DIAPH3: variants seen among roughly 807,000 people sequenced by gnomAD.
DIAPH3 encodes diaphanous related formin 3, also known as protein diaphanous homolog 3.
A neutral mutation model predicts 144.3 loss-of-function variants in DIAPH3; 117 were observed. The observed-to-expected ratio is 0.81, with a 90% CI of 0.70 to 0.95. The LOEUF (loss-of-function observed/expected upper bound fraction) is 0.95, where lower values mean the gene tolerates loss of function less well. Ranked by LOEUF, DIAPH3 falls within the 40% of genes least tolerant of loss-of-function variation. The pLI, the probability that DIAPH3 is intolerant of heterozygous loss-of-function variation, is 0.00. For missense variants in DIAPH3, 1,421 were observed against 1,412.7 expected (o/e 1.01, Z -0.09); for synonymous variants, 519 against 488.9 (o/e 1.06, Z -0.81).
intron 13 of DIAPH3, 41 bp downstream of exon 13, chr13:59,983,726 TAA>T (rs771896990): frequency 1.5e-6 from 2 of 1,329,296 alleles, no homozygotes; most frequent in South Asian, 2.4e-5. Flanking sequence ...ATTCATAGAA[TAA>T]GAGACAATAA....
chr13:59,961,336 G>A (rs549804831), intron 17 of DIAPH3, among the ~76,000 whole-genome samples: 9 of 152,258 alleles, frequency 5.9e-5, no homozygotes, highest in Non-Finnish European at 1.2e-4. Flanking sequence ...TGGGTATTAT[G>A]TCCCCCATTT....
intron 1 of DIAPH3, among the ~76,000 whole-genome samples, chr13:60,151,662 GGCACCACAC>G (rs1951792547): frequency 6.6e-6 from 1 of 152,060 alleles, no homozygotes; most frequent in Admixed American, 6.6e-5. Context: ...GTCTATACCA[GGCACCACAC>G]AGAAAGTGAC....
intron 24 of DIAPH3, among the ~76,000 whole-genome samples, chr13:59,818,239 G>GA (rs574184172): frequency 2.0e-5 from 3 of 151,438 alleles, no homozygotes; most frequent in African/African-American, 4.8e-5. Context: ...TCCAGTCTCT[G>GA]AAAAAAAATC....
chr13:59,750,994 C>A (rs2036980268), intron 27 of DIAPH3, among the ~76,000 whole-genome samples: 1 of 152,232 alleles, frequency 6.6e-6, no homozygotes, highest in African/African-American at 2.4e-5. Flanking sequence ...GCACTGTCGG[C>A]TGCTCAAATG....
chr13:59,844,004 G>A (rs1366357316), intron 22 of DIAPH3, among the ~76,000 whole-genome samples: 3 of 151,848 alleles, frequency 2.0e-5, no homozygotes, highest in African/African-American at 7.3e-5. Flanking sequence ...TGCATGGCAG[G>A]CTTAATACCT....
At chr13:60,091,599 T>TA (rs1003605858) in intron 4 of DIAPH3, among the ~76,000 whole-genome samples, 5 of 151,962 alleles carry the variant, frequency 3.3e-5, no homozygotes, top group Admixed American at 6.6e-5. Flanking sequence ...TATAGACACT[T>TA]AAAAAACAAC....
At chr13:59,966,089 A>C (rs2050035424) in intron 17 of DIAPH3, among the ~76,000 whole-genome samples, 1 of 152,178 alleles carries the variant, frequency 6.6e-6, no homozygotes, top group African/African-American at 2.4e-5. Context: ...CAGCAAAATA[A>C]AGTGTAAAAG....
chr13:59,967,302 T>C (rs551231704), intron 17 of DIAPH3, among the ~76,000 whole-genome samples: 30 of 152,124 alleles, frequency 2.0e-4, no homozygotes, highest in African/African-American at 5.8e-4. Context: ...CTCAAACTCC[T>C]GGCCTCAAGT....
intron 1 of DIAPH3, among the ~76,000 whole-genome samples, chr13:60,152,559 T>TA (rs1352503854): frequency 8.5e-4 from 119 of 139,498 alleles, no homozygotes; most frequent in African/African-American, 2.5e-3. Context: ...AAAATTGAAT[T>TA]AAAAAAAAAA....
At chr13:59,950,615 TC>T (rs2049045271) in intron 17 of DIAPH3, among the ~76,000 whole-genome samples, 1 of 152,078 alleles carries the variant, frequency 6.6e-6, no homozygotes, top group African/African-American at 2.4e-5. Flanking sequence ...AGAAATCATT[TC>T]CCAAAGGAGA....
intron 21 of DIAPH3, 99 bp downstream of exon 21, chr13:59,879,130 A>G: frequency 6.6e-7 from 1 of 1,522,978 alleles, no homozygotes; most frequent in Non-Finnish European, 8.9e-7. Flanking sequence ...CTTGATAATG[A>G]GCACATCAAA....
intron 20 of DIAPH3, among the ~76,000 whole-genome samples, chr13:59,895,319 CTG>C (rs2046021624): frequency 6.7e-6 from 1 of 150,246 alleles, no homozygotes; most frequent in African/African-American, 2.4e-5. Context: ...TTCTAAATAA[CTG>C]TAATATCTAG....
chr13:60,145,751 CT>C (rs796713740), intron 1 of DIAPH3, among the ~76,000 whole-genome samples: 140 of 145,688 alleles, frequency 9.6e-4, no homozygotes, highest in Admixed American at 8.9e-4. Flanking sequence ...GTGTTTCCTC[CT>C]TTTTTTTTTT....
At chr13:59,991,350 C>A in intron 11 of DIAPH3, 76 bp from the exon 12 acceptor site, 1 of 1,089,738 alleles carries the variant, frequency 9.2e-7, no homozygotes, top group Non-Finnish European at 1.4e-6. Flanking sequence ...AGAATTTGTC[C>A]TGTAAGGTTT....
chr13:59,693,995 C>G (rs961958665), intron 27 of DIAPH3, among the ~76,000 whole-genome samples: 2 of 152,074 alleles, frequency 1.3e-5, no homozygotes, highest in Admixed American at 6.5e-5. Flanking sequence ...TGACTTCATT[C>G]TTGTGATCCC....
chr13:60,057,272 C>A (rs2056593880), intron 4 of DIAPH3, among the ~76,000 whole-genome samples: 1 of 151,782 alleles, frequency 6.6e-6, no homozygotes, highest in Non-Finnish European at 1.5e-5. Context: ...AGCTGAGAAT[C>A]AAATCAAGAA....
At chr13:60,019,560 A>C (rs1161150793) in intron 5 of DIAPH3, among the ~76,000 whole-genome samples, 3 of 151,952 alleles carry the variant, frequency 2.0e-5, no homozygotes, top group Non-Finnish European at 4.4e-5. Context: ...TAGGGGTCTC[A>C]ATATAGGAGA....
chr13:59,713,535 A>C (rs1490958292), intron 27 of DIAPH3, among the ~76,000 whole-genome samples: 1 of 152,182 alleles, frequency 6.6e-6, no homozygotes, highest in East Asian at 1.9e-4. Flanking sequence ...GTTCTGAACA[A>C]TTTAAGCAGT....
Position 59,971,163 on chromosome 13 carries a change from G to T in DIAPH3, c.1651-3C>A, listed in dbSNP as rs763531706. The T allele has an allele frequency of 6.4e-7, 1 of 1,562,880 alleles. No homozygotes were observed. The highest frequency in any genetic ancestry group is 8.7e-7 in the Non-Finnish European group (1 of 1,153,224). On this transcript the variant is annotated splice_region_variant and splice_polypyrimidine_tract_variant and intron_variant, in intron 15 of 27. Coordinates refer to ENST00000400324, the MANE Select transcript of DIAPH3 (RefSeq NM_001042517.2). ...CAATCAGCTGGCAAGGCACCAAACT[G>T]GAGAAAAAAACAATAAGAGACATAA...
Sources: allele counts gnomAD v4.1 joint callset (sites outside exome capture counted in the v4.1 genomes callset), GRCh38; gene constraint gnomAD v4.1.1; transcripts MANE v1.5; gene names NCBI Gene and HGNC (gene_info 2026-07-23, HGNC 2026-07-21).